The following TOX2 variants were observed in gnomAD, a reference collection of about 807,000 sequenced individuals.
TOX2 encodes the protein TOX high mobility group box family member 2.
Under a neutral mutation model 47.4 loss-of-function variants are expected in TOX2, and 15 were observed. The observed-to-expected ratio is 0.32, with a 90% CI of 0.21 to 0.49. The LOEUF (loss-of-function observed/expected upper bound fraction) is 0.49, where lower values mean the gene tolerates loss of function less well. Among genes scored for constraint, TOX2 ranks in the 20% least tolerant of loss-of-function variants. The pLI, the probability that TOX2 is intolerant of heterozygous loss-of-function variation, is 0.99. For synonymous variants in TOX2, 290 were observed against 296.6 expected, an observed-to-expected ratio of 0.98 and a Z score of 0.23; for missense variants, 622 against 673.1, an observed-to-expected ratio of 0.92 and a Z score of 0.84.
Position 43,915,944 on chromosome 20 carries a change from G to T in TOX2, c.99+954G>T, listed in dbSNP as rs2145822894. Among the ~76,000 whole-genome samples, 1 of 152,372 alleles carries T rather than the reference G, an allele frequency of 6.6e-6. No homozygotes were observed. Among genetic ancestry groups the T allele is most frequent in the South Asian group, 2.1e-4 (1 of 4,830 alleles). Reference sequence around the variant, plus strand: ...CTTGCGTGCCTGGAACCCCGAACCCGAGGCGTCAGGTCCCACTGCCGGGTC... The same window carrying T: ...CTTGCGTGCCTGGAACCCCGAACCCTAGGCGTCAGGTCCCACTGCCGGGTC... On this transcript the variant is annotated intron_variant, in intron 1 of 8. Transcript: ENST00000341197. This position sits in a 1 kb window ranked among gnomAD's most constrained non-coding sequence, Gnocchi z 7.1.
intron 3 of TOX2, among the ~76,000 whole-genome samples, chr20:44,049,875 C>T (rs2071478232): frequency 6.6e-6 from 1 of 152,162 alleles, no homozygotes; most frequent in South Asian, 2.1e-4. Context: ...ACCACATTTT[C>T]TTTCAGTCTA....
At chr20:44,064,960 A>G in intron 6 of TOX2, 103 bp downstream of exon 6, 1 of 1,062,668 alleles carries the variant, frequency 9.4e-7, no homozygotes, top group South Asian at 1.4e-5. Flanking sequence ...CCCAGGTCTT[A>G]GAAAGAATGG....
intron 2 of TOX2, among the ~76,000 whole-genome samples, chr20:43,991,521 C>T (rs751911297): frequency 1.3e-5 from 2 of 152,036 alleles, no homozygotes; most frequent in Non-Finnish European, 2.9e-5. Context: ...TTATTGAGGG[C>T]CTACTATGTG....
chr20:43,987,155 A>G (rs183573768), intron 2 of TOX2, among the ~76,000 whole-genome samples: 1 of 152,332 alleles, frequency 6.6e-6, no homozygotes, highest in African/African-American at 2.4e-5. Context: ...CATGATTCTG[A>G]AATATTCTTA....
chr20:43,987,026 T>G (rs1192444135), intron 2 of TOX2, among the ~76,000 whole-genome samples: 1 of 152,212 alleles, frequency 6.6e-6, no homozygotes, highest in Non-Finnish European at 1.5e-5. Flanking sequence ...TTTGCTCCAT[T>G]GCACTCTAGC....
rs988233172 is a variant in TOX2 at position 43,915,812 on chromosome 20, G to A, written c.99+822G>A. On this transcript the variant is annotated intron_variant, in intron 1 of 8. Transcript: ENST00000341197. This position sits in a 1 kb window ranked among gnomAD's most constrained non-coding sequence, Gnocchi z 7.1. Reference sequence around the variant, plus strand: ...GGTGAGCCGGCGTCCCTCCAGGCTGGGGCTGTAGTGCCGGACACCCTCCCT... The same window carrying A: ...GGTGAGCCGGCGTCCCTCCAGGCTGAGGCTGTAGTGCCGGACACCCTCCCT... Among the ~76,000 whole-genome samples, 9 of 152,232 alleles carry A rather than the reference G, an allele frequency of 5.9e-5. No individual in the cohort carries two copies. The highest frequency in any genetic ancestry group is 2.2e-4 in the African/African-American group (9 of 41,464).
At chr20:43,933,161 G>A (rs1490291040) in intron 1 of TOX2, among the ~76,000 whole-genome samples, 1 of 152,186 alleles carries the variant, frequency 6.6e-6, no homozygotes, top group Non-Finnish European at 1.5e-5. Flanking sequence ...GACCCCCACA[G>A]GTGGTGAATG....
chr20:44,019,992 C>T (rs528709789), intron 3 of TOX2, among the ~76,000 whole-genome samples: 11 of 151,900 alleles, frequency 7.2e-5, no homozygotes, highest in Admixed American at 2.0e-4. Context: ...AGGAGAGCCC[C>T]GGGATTAGGA....
intron 5 of TOX2, among the ~76,000 whole-genome samples, chr20:44,061,943 C>G (rs568835935): frequency 2.6e-5 from 4 of 151,650 alleles, no homozygotes; most frequent in African/African-American, 4.9e-5. Flanking sequence ...TGATTAAAAC[C>G]CTCAGCAAAA....
At chr20:44,048,374 T>C (rs959742653) in intron 3 of TOX2, among the ~76,000 whole-genome samples, 5 of 105,178 alleles carry the variant, frequency 4.8e-5, no homozygotes, top group African/African-American at 7.1e-5. Context: ...TGTTAGTATC[T>C]GGATAAAATG....
intron 3 of TOX2, among the ~76,000 whole-genome samples, chr20:44,026,252 C>CATATAT (rs1250784789): frequency 1.2e-5 from 1 of 81,906 alleles, no homozygotes; most frequent in African/African-American, 5.7e-5. Flanking sequence ...TATATATAGA[C>CATATAT]ACACACACAC....
At chr20:43,973,674 T>A (rs990757156) in intron 2 of TOX2, among the ~76,000 whole-genome samples, 2 of 152,142 alleles carry the variant, frequency 1.3e-5, no homozygotes, top group African/African-American at 2.4e-5. Flanking sequence ...TTGATGAAAC[T>A]TGAAATGTAT....
At chr20:43,983,375 C>CTG (rs2070203889) in intron 2 of TOX2, among the ~76,000 whole-genome samples, 1 of 152,146 alleles carries the variant, frequency 6.6e-6, no homozygotes, top group Non-Finnish European at 1.5e-5. Context: ...TTTGCCTGGT[C>CTG]TGTTTCTCTC....
intron 1 of TOX2, chr20:43,945,775 A>G: frequency 8.0e-7 from 1 of 1,248,954 alleles, no homozygotes; most frequent in Non-Finnish European, 1.1e-6. Flanking sequence ...GTTAAATAAC[A>G]GGTTTTTCCA....
chr20:44,010,891 C>G lies in TOX2; in HGVS notation c.411+4099C>G, dbSNP rs147687124. Among the ~76,000 whole-genome samples, 69 of 152,234 alleles carry G rather than the reference C, an allele frequency of 4.5e-4. 1 individual carries two copies. In the East Asian group the frequency reaches 8.9e-3, roughly 20 times the overall value. On this transcript the variant is annotated intron_variant, in intron 3 of 8. Transcript: ENST00000341197. ...TTATTCTATCACACCTCCAGAAGTCCAGAAGCAGTCTCCTTGGGCTGAAAT... is the reference window on the plus strand; with the variant it reads ...TTATTCTATCACACCTCCAGAAGTCGAGAAGCAGTCTCCTTGGGCTGAAAT...
intron 2 of TOX2, among the ~76,000 whole-genome samples, chr20:43,978,208 G>T (rs766719317): frequency 1.3e-5 from 2 of 152,132 alleles, no homozygotes; most frequent in Non-Finnish European, 2.9e-5. Flanking sequence ...ACCCAGGAGA[G>T]GATAGAAGGG....
intron 1 of TOX2, among the ~76,000 whole-genome samples, chr20:43,918,417 A>G (rs2069080710): frequency 6.6e-6 from 1 of 152,194 alleles, no homozygotes; most frequent in South Asian, 2.1e-4. Context: ...CCCAGTCCAG[A>G]TAGAGAACAT....
At chr20:44,057,386 A>G (rs1193007873) in intron 5 of TOX2, among the ~76,000 whole-genome samples, 2 of 152,212 alleles carry the variant, frequency 1.3e-5, no homozygotes, top group African/African-American at 4.8e-5. Context: ...ATAAGGCTGG[A>G]TGTTAGCTTG....
At chr20:43,984,537 T>C (rs6031274) in intron 2 of TOX2, among the ~76,000 whole-genome samples, 2 of 152,050 alleles carry the variant, frequency 1.3e-5, no homozygotes, top group Non-Finnish European at 2.9e-5. Flanking sequence ...ATCTTAATTT[T>C]ACATCCCAAT....
Sources: allele counts gnomAD v4.1 joint callset (sites outside exome capture counted in the v4.1 genomes callset), GRCh38; gene constraint gnomAD v4.1.1; non-coding constraint Gnocchi (gnomAD v3.1); transcripts MANE v1.5; gene names NCBI Gene and HGNC (gene_info 2026-07-23, HGNC 2026-07-21).